XRCC4: variants seen among roughly 807,000 people sequenced by gnomAD.
XRCC4 encodes DNA repair protein XRCC4.
Under a neutral mutation model 39.1 loss-of-function variants are expected in XRCC4, and 28 were observed. The observed-to-expected ratio is 0.72, with a 90% confidence interval of 0.53 to 0.98. The LOEUF is 0.98. XRCC4 is among the 50% of genes least tolerant of loss of function. XRCC4 has a pLI of 0.00. For missense variants in XRCC4, 350 were observed against 376.4 expected, an observed-to-expected ratio of 0.93 and a Z score of 0.58; for synonymous variants, 123 against 126.4, an observed-to-expected ratio of 0.97 and a Z score of 0.18.
At chr5:83,142,007 C>T (rs190335090) in intron 3 of XRCC4, among the ~76,000 whole-genome samples, 2 of 152,282 alleles carry the variant, frequency 1.3e-5, no homozygotes, top group African/African-American at 4.8e-5. Context: ...AATATCTTAC[C>T]TATCAGTTTT....
the XRCC4 span, among the ~76,000 whole-genome samples, chr5:83,363,276 G>T: frequency 6.6e-6 from 1 of 152,172 alleles, no homozygotes; most frequent in Non-Finnish European, 1.5e-5. Flanking sequence ...GAGGAAGAGA[G>T]TGTGGCCTGA....
intron 3 of XRCC4, among the ~76,000 whole-genome samples, chr5:83,148,219 A>G (rs1748548620): frequency 6.6e-6 from 1 of 152,190 alleles, no homozygotes; most frequent in Non-Finnish European, 1.5e-5. Flanking sequence ...TTAGTATATA[A>G]AATTGTTTTG....
intron 3 of XRCC4, among the ~76,000 whole-genome samples, chr5:83,177,159 T>G (rs62374401): frequency 0.41 from 62,399 of 151,896 alleles, 13,372 homozygotes; most frequent in South Asian, 0.49. Flanking sequence ...TTTTTCTACA[T>G]TACCTATAAA....
chr5:83,190,037 C>G (rs1261046129), intron 3 of XRCC4, among the ~76,000 whole-genome samples: 1 of 152,068 alleles, frequency 6.6e-6, no homozygotes, highest in Non-Finnish European at 1.5e-5. Context: ...GCACTCCAGC[C>G]TGCGTGACAG....
intron 7 of XRCC4, among the ~76,000 whole-genome samples, chr5:83,337,049 A>C (rs528433541): frequency 1.1e-3 from 166 of 152,282 alleles, no homozygotes; most frequent in African/African-American, 3.8e-3. Flanking sequence ...AAAAGTTTAT[A>C]ATGTTGTCCT....
At chr5:83,244,136 T>C (rs1452521089) in intron 6 of XRCC4, among the ~76,000 whole-genome samples, 1 of 152,168 alleles carries the variant, frequency 6.6e-6, no homozygotes, top group Non-Finnish European at 1.5e-5. Context: ...ATGGTATATA[T>C]AGTAGAAAAG....
Position 83,104,954 on chromosome 5 carries a change from C to T in XRCC4, c.35C>T (p.Ser12Phe). ...AAAATAAGCAGAATCCACCTTGTTT[C>T]TGAACCCAGTATAACTCATTTTCTA... ...ERKISRIHLV[S>F]EPSITHFLQV... The change falls in exon 2 of 8, where the codon TCT (serine) becomes TTT (phenylalanine). Residue 12 changes from serine (S) to phenylalanine (F), a missense_variant. Transcript: ENST00000396027. 6.2e-7 allele frequency: 1 copy of T among 1,613,440 alleles called. No individual in the cohort carries two copies. Among genetic ancestry groups the T allele is most frequent in the Non-Finnish European group, 8.5e-7 (1 of 1,179,670 alleles).
At chr5:83,232,042 G>A (rs555063378) in intron 6 of XRCC4, among the ~76,000 whole-genome samples, 32 of 151,856 alleles carry the variant, frequency 2.1e-4, no homozygotes, top group African/African-American at 7.5e-4. Context: ...CTGTTTTGTT[G>A]GACATTACCC....
At chr5:83,165,091 G>C (rs934048969) in intron 3 of XRCC4, among the ~76,000 whole-genome samples, 3 of 151,738 alleles carry the variant, frequency 2.0e-5, no homozygotes, top group Non-Finnish European at 4.4e-5. Context: ...AAATTTTACA[G>C]CTTTGAACAA....
chr5:83,093,014 G>GACACACACACACACACAC (rs34020910), intron 1 of XRCC4, among the ~76,000 whole-genome samples: 2 of 149,322 alleles, frequency 1.3e-5, no homozygotes, highest in African/African-American at 4.9e-5. Flanking sequence ...TAAATGAATG[G>GACACACACACACACACAC]ACACACACAC....
chr5:83,316,547 G>A (rs1251264595), intron 7 of XRCC4, among the ~76,000 whole-genome samples: 1 of 150,986 alleles, frequency 6.6e-6, no homozygotes, highest in Non-Finnish European at 1.5e-5. Context: ...GGCAGGGGTT[G>A]CAATCCTAGT....
At chr5:83,135,815 TGTA>T (rs1208773333) in intron 3 of XRCC4, among the ~76,000 whole-genome samples, 1 of 152,222 alleles carries the variant, frequency 6.6e-6, no homozygotes, top group Non-Finnish European at 1.5e-5. Context: ...GGAATAAAAT[TGTA>T]ATAACCTTTA....
chr5:83,125,246 T>C (rs1747202900), intron 3 of XRCC4, among the ~76,000 whole-genome samples: 1 of 152,222 alleles, frequency 6.6e-6, no homozygotes, highest in African/African-American at 2.4e-5. Context: ...ATCATTTTAT[T>C]AACAGGGTCT....
rs961606264 is a variant in XRCC4, at chr5:83,167,607, G to C, written c.316-28163G>C. On this transcript the variant is annotated intron_variant, in intron 3 of 7. Transcript: ENST00000396027. ...TTTTAATGCTTGTGTGGTGATAGGAGATAAGGAAATTAGGGATGGGTTTGG... is the reference window on the plus strand; with the variant it reads ...TTTTAATGCTTGTGTGGTGATAGGACATAAGGAAATTAGGGATGGGTTTGG... 2.6e-5 allele frequency among the ~76,000 whole-genome samples: 4 copies of C among 152,194 alleles called. No homozygotes were observed. The East Asian group carries it at 7.7e-4, about 29-fold the overall frequency.
chr5:83,103,817 G>C (rs1232193562), intron 1 of XRCC4, among the ~76,000 whole-genome samples: 1 of 152,130 alleles, frequency 6.6e-6, no homozygotes, highest in Non-Finnish European at 1.5e-5. Context: ...CATGCTGTAT[G>C]ATTATATTTA....
At chr5:83,104,191 C>T (rs1204737957) in intron 1 of XRCC4, among the ~76,000 whole-genome samples, 2 of 152,044 alleles carry the variant, frequency 1.3e-5, no homozygotes, top group African/African-American at 4.8e-5. Flanking sequence ...GTCATCTCTG[C>T]CTTAGACAAG....
intron 7 of XRCC4, among the ~76,000 whole-genome samples, chr5:83,292,590 T>C (rs1283991293): frequency 6.6e-6 from 1 of 151,978 alleles, no homozygotes; most frequent in Admixed American, 6.6e-5. Context: ...TTCCCCAAAT[T>C]AATGAAATTA....
intron 3 of XRCC4, among the ~76,000 whole-genome samples, chr5:83,114,783 G>A (rs1290270044): frequency 6.6e-6 from 1 of 152,064 alleles, no homozygotes; most frequent in African/African-American, 2.4e-5. Flanking sequence ...ACATTTTCGG[G>A]TACCTTTATA....
At chr5:83,111,354 T>G in intron 3 of XRCC4, 151 bp downstream of exon 3, 1 of 515,762 alleles carries the variant, frequency 1.9e-6, no homozygotes. Flanking sequence ...AGAAGAATAC[T>G]TCAAAGCTAA....
Sources: gnomAD v4.1 joint callset for allele counts (sites outside exome capture counted in the v4.1 genomes callset) on GRCh38, gnomAD v4.1.1 for gene constraint, MANE v1.5 for transcripts, NCBI Gene and HGNC (gene_info 2026-07-23, HGNC 2026-07-21) for gene names.